Variants in GTF2F2 observed in about 807,000 individuals in gnomAD.
GTF2F2 encodes ATP-dependent helicase GTF2F2.
GTF2F2 carries 23 observed loss-of-function variants against 42.2 expected under a neutral mutation model. The ratio of observed to expected loss-of-function variants is 0.55; its 90% CI spans 0.39 to 0.77. GTF2F2 has a LOEUF of 0.77. GTF2F2 is among the 30% of genes least tolerant of loss of function. The pLI is 0.00. For synonymous variants in GTF2F2, 105 were observed against 100.8 expected, an observed-to-expected ratio of 1.04 and a Z score of -0.25; for missense variants, 261 against 287.2, an observed-to-expected ratio of 0.91 and a Z score of 0.66.
chr13:45,203,688 C>G (rs1873304934), intron 4 of GTF2F2, among the ~76,000 whole-genome samples: 1 of 152,108 alleles, frequency 6.6e-6, no homozygotes, highest in Admixed American at 6.6e-5. Flanking sequence ...TAGACAAGTT[C>G]TAGCATCGTT....
chr13:45,155,417 A>G (rs917729637), intron 4 of GTF2F2, among the ~76,000 whole-genome samples: 3 of 152,224 alleles, frequency 2.0e-5, no homozygotes, highest in African/African-American at 7.2e-5. Flanking sequence ...ACTTGAAACC[A>G]CATTTTAGTT....
At chr13:45,220,145 T>C (rs1874049228) in intron 5 of GTF2F2, among the ~76,000 whole-genome samples, 1 of 152,224 alleles carries the variant, frequency 6.6e-6, no homozygotes, top group Admixed American at 6.5e-5. Flanking sequence ...GAAAAGCATG[T>C]GATTTGGCTT....
At chr13:45,153,976 CAAAAAAAA>C (rs71070960) in intron 4 of GTF2F2, among the ~76,000 whole-genome samples, 1 of 71,496 alleles carries the variant, frequency 1.4e-5, no homozygotes, top group Non-Finnish European at 2.7e-5. Flanking sequence ...GACTCAGTCT[CAAAAAAAA>C]AAAAAAAAAA....
At chr13:45,189,132 T>TA (rs1872535248) in intron 4 of GTF2F2, among the ~76,000 whole-genome samples, 1 of 152,172 alleles carries the variant, frequency 6.6e-6, no homozygotes, top group African/African-American at 2.4e-5. Flanking sequence ...AACTCCCACT[T>TA]ACGAGTGAGA....
chr13:45,186,077 C>T (rs754652585), intron 4 of GTF2F2, among the ~76,000 whole-genome samples: 11 of 151,552 alleles, frequency 7.3e-5, no homozygotes, highest in Admixed American at 2.0e-4. Context: ...TGGGTTCAAA[C>T]GATTCTTGTG....
At chr13:45,220,935 G>GTA (rs991200350) in intron 5 of GTF2F2, 2 of 136,000 alleles carry the variant, frequency 1.5e-5, no homozygotes, top group Non-Finnish European at 3.2e-5. Flanking sequence ...TGCTTAAAAT[G>GTA]TATGTGTGTG....
intron 5 of GTF2F2, among the ~76,000 whole-genome samples, chr13:45,232,538 G>A (rs1296808143): frequency 6.6e-6 from 1 of 152,180 alleles, no homozygotes; most frequent in Non-Finnish European, 1.5e-5. Context: ...AGGAGGCTGA[G>A]GCAGGAGGAT....
chr13:45,207,043 C>CAT (rs61026179), intron 4 of GTF2F2: 1 of 171,474 alleles, frequency 5.8e-6, no homozygotes, highest in Non-Finnish European at 1.3e-5. Context: ...CACACACACA[C>CAT]GGTCTTTGAT....
At chr13:45,190,999 G>C (rs192478505) in intron 4 of GTF2F2, among the ~76,000 whole-genome samples, 54 of 150,664 alleles carry the variant, frequency 3.6e-4, no homozygotes, top group Non-Finnish European at 2.9e-5. Flanking sequence ...GTCTGGCATG[G>C]TAGTCATCTT....
chr13:45,270,974 T>TGTATTAAAAA (rs1361140644), intron 7 of GTF2F2, among the ~76,000 whole-genome samples: 1 of 152,146 alleles, frequency 6.6e-6, no homozygotes, highest in Non-Finnish European at 1.5e-5. Flanking sequence ...ACAGCATACT[T>TGTATTAAAAA]GTATTAAAAA....
At chr13:45,243,157 C>CT (rs1477294421) in intron 5 of GTF2F2, among the ~76,000 whole-genome samples, 2 of 152,126 alleles carry the variant, frequency 1.3e-5, no homozygotes, top group East Asian at 3.8e-4. Flanking sequence ...GCTCAAGTCC[C>CT]TTATATAAAA....
intron 7 of GTF2F2, among the ~76,000 whole-genome samples, chr13:45,278,224 G>A (rs1423454219): frequency 6.6e-6 from 1 of 152,146 alleles, no homozygotes; most frequent in African/African-American, 2.4e-5. Flanking sequence ...AGTCTTGGGG[G>A]CCAATTAGGA....
At chr13:45,223,262 TAAA>T (rs60690884) in intron 5 of GTF2F2, among the ~76,000 whole-genome samples, 1 of 96,300 alleles carries the variant, frequency 1.0e-5, no homozygotes, top group Non-Finnish European at 2.1e-5. Flanking sequence ...CTTGTCTCAA[TAAA>T]AAAAAAAAAA....
chr13:45,236,170 C>CAGT (rs1242055121), intron 5 of GTF2F2, among the ~76,000 whole-genome samples: 2 of 152,042 alleles, frequency 1.3e-5, no homozygotes, highest in African/African-American at 4.8e-5. Flanking sequence ...ACTGGTCTGG[C>CAGT]CCACTGTCTA....
chr13:45,140,742 G>GA (rs1463984463), intron 2 of GTF2F2, among the ~76,000 whole-genome samples: 1 of 152,068 alleles, frequency 6.6e-6, no homozygotes, highest in Non-Finnish European at 1.5e-5. Context: ...GTTCTGTAAT[G>GA]AACTTCAGAG....
chr13:45,169,300 C>G (rs1436975132), intron 4 of GTF2F2, among the ~76,000 whole-genome samples: 1 of 152,116 alleles, frequency 6.6e-6, no homozygotes, highest in Non-Finnish European at 1.5e-5. Context: ...GAAATTTGGA[C>G]ACTCAGGAGA....
intron 1 of GTF2F2, 105 bp downstream of exon 1, chr13:45,120,826 A>G (rs952212194): frequency 1.4e-5 from 11 of 771,488 alleles, no homozygotes; most frequent in Admixed American, 8.8e-5. Flanking sequence ...TTTTACGGCT[A>G]TCTCGTTAGA....
rs185364222 is a variant in GTF2F2 at position 45,239,930 on chromosome 13, G to A, written c.387-12941G>A. Among the ~76,000 whole-genome samples the A allele has an allele frequency of 2.1e-4, 32 of 151,950 alleles. No individual in the cohort carries two copies. The East Asian group carries it at 4.8e-3, about 23-fold the overall frequency. On this transcript the variant is annotated intron_variant, in intron 5 of 7. Coordinates refer to ENST00000340473, the MANE Select transcript of GTF2F2 (RefSeq NM_004128.3). ...GCCCCTTACAAGCTTTATGGTCATG[G>A]GCATGTCACAATTCTGCCAGGACTT...
At chr13:45,210,500 A>G (rs1716036220) in intron 5 of GTF2F2, among the ~76,000 whole-genome samples, 1 of 152,088 alleles carries the variant, frequency 6.6e-6, no homozygotes, top group East Asian at 1.9e-4. Context: ...TCTTCATAGC[A>G]CACGTCACCT....
Sources: gnomAD v4.1 joint callset for allele counts (sites outside exome capture counted in the v4.1 genomes callset) on GRCh38, gnomAD v4.1.1 for gene constraint, MANE v1.5 for transcripts, NCBI Gene and HGNC (gene_info 2026-07-23, HGNC 2026-07-21) for gene names.